PRKDC: variants seen among roughly 807,000 people sequenced by gnomAD.
PRKDC encodes DNA-dependent protein kinase catalytic subunit.
PRKDC carries 82 observed loss-of-function variants against 486.9 expected under a neutral mutation model. The ratio of observed to expected loss-of-function variants is 0.17; its 90% CI spans 0.14 to 0.20. PRKDC has a LOEUF of 0.20. Among genes scored for constraint, PRKDC ranks in the 10% least tolerant of loss-of-function variants. PRKDC has a pLI of 1.00. For synonymous variants in PRKDC, 1,895 were observed against 1,837.0 expected (o/e 1.03, Z -0.81); for missense variants, 4,504 against 5,038.2 (o/e 0.89, Z 3.21).
chr8:47,956,355 CTG>C (rs1360836105), intron 3 of PRKDC, among the ~76,000 whole-genome samples: 1 of 151,814 alleles, frequency 6.6e-6, no homozygotes, highest in Non-Finnish European at 1.5e-5. Flanking sequence ...TCACGGGACT[CTG>C]TGGTTCACGC....
chr8:47,862,368 C>G lies in PRKDC; in HGVS notation c.5919+5G>C, dbSNP rs1240315959. ...ACAATAGTGCACACCGTAGGAGTGG[C>G]CTACCTTTTCTGGTTTTTCACTAAA... is the stretch of plus-strand genomic sequence containing the variant. On this transcript the variant is annotated splice_donor_5th_base_variant and intron_variant, in intron 43 of 85. Coordinates refer to ENST00000314191, the MANE Select transcript of PRKDC (RefSeq NM_006904.7). 1 of 1,612,772 alleles carries G rather than the reference C, an allele frequency of 6.2e-7. No individual in the cohort carries two copies.
intron 40 of PRKDC, among the ~76,000 whole-genome samples, chr8:47,866,020 G>T (rs2088800837): frequency 6.6e-6 from 1 of 152,072 alleles, no homozygotes; most frequent in Non-Finnish European, 1.5e-5. Flanking sequence ...GCCAGGCATG[G>T]TGGCAAATGC....
chr8:47,798,224 T>C lies in PRKDC; in HGVS notation c.10458+13A>G. On this transcript the variant is annotated intron_variant, in intron 73 of 85. Transcript: ENST00000314191. ...TAAAGTTCCTTACCGCCAAGTAGAA[T>C]AAAGACACCAACCTCTTTTGTCATG... 6.2e-7 allele frequency: 1 copy of C among 1,604,824 alleles called. No individual in the cohort carries two copies. The highest frequency in any genetic ancestry group is 8.5e-7 in the Non-Finnish European group (1 of 1,177,584).
rs189362621 is a variant in PRKDC at position 47,883,274 on chromosome 8, A to G, written c.4777-1177T>C. Among the ~76,000 whole-genome samples, 5 of 152,344 alleles carry G rather than the reference A, an allele frequency of 3.3e-5. No individual in the cohort carries two copies. In the East Asian group the frequency reaches 9.6e-4, roughly 29 times the overall value. On this transcript the variant is annotated intron_variant, in intron 36 of 85. Coordinates refer to ENST00000314191, the MANE Select transcript of PRKDC (RefSeq NM_006904.7). ...CAATGTCCACACTGCCGCTGAGAAG[A>G]CATATGTCATTCAATTTCTAGATCC...
At chr8:47,842,930 T>G (rs2088181005) in intron 54 of PRKDC, among the ~76,000 whole-genome samples, 1 of 152,186 alleles carries the variant, frequency 6.6e-6, no homozygotes, top group Admixed American at 6.5e-5. Flanking sequence ...TTTGGGAAGC[T>G]GAGGCAGGTA....
chr8:47,857,026 C>T (rs933522133), intron 49 of PRKDC, 130 bp downstream of exon 49: 2 of 1,048,980 alleles, frequency 1.9e-6, no homozygotes, highest in South Asian at 5.3e-5. Context: ...TAGGAGCACA[C>T]CAGCAATGTA....
Position 47,934,017 on chromosome 8 carries a change from T to A in PRKDC, c.1571A>T (p.Tyr524Phe). The change falls in exon 15 of 86, where the codon TAC becomes TTC. Residue 524 changes from tyrosine (Y) to phenylalanine (F), a missense_variant. Tyr to Phe is a conservative substitution (Grantham distance 22). Around this residue, in one of 6 missense-constraint regions of PRKDC, gnomAD observed 1,969 missense variants for 2,068.9 expected, o/e 0.95. Coordinates refer to ENST00000314191, the MANE Select transcript of PRKDC (RefSeq NM_006904.7). ...VRTGKWKVPT[Y>F]KDYVDLFRHL... ...TCTGAAGAGATCCACGTAGTCTTTG[T>A]ATGTGGGCACCTTCCATTTGCCAGT... 1 of 1,613,764 alleles carries A rather than the reference T, an allele frequency of 6.2e-7. No individual in the cohort carries two copies. The highest frequency in any genetic ancestry group is 8.5e-7 in the Non-Finnish European group (1 of 1,179,836).
In PRKDC at chr8:47,904,861, T is replaced by C. The variant is rs757094084; in HGVS notation, c.3042+8A>G. 5.8e-6 allele frequency: 9 copies of C among 1,543,814 alleles called. No homozygotes were observed. The East Asian group carries it at 6.8e-5, about 12-fold the overall frequency. On this transcript the variant is annotated splice_region_variant and intron_variant, in intron 26 of 85. Transcript: ENST00000314191. The stretch of plus-strand genomic sequence containing the variant: ...GGAGTAAGAGGAAAAGAATCAACTA[T>C]TACTTACCAATATAGCTTCTAGTAA...
intron 59 of PRKDC, among the ~76,000 whole-genome samples, chr8:47,832,134 C>T (rs549847296): frequency 1.3e-4 from 20 of 152,342 alleles, no homozygotes; most frequent in African/African-American, 4.6e-4. Flanking sequence ...CCAGGCCCCT[C>T]CAGAGGGAGG....
At chr8:47,956,786 C>T (rs1392192617) in intron 3 of PRKDC, among the ~76,000 whole-genome samples, 4 of 148,372 alleles carry the variant, frequency 2.7e-5, no homozygotes, top group African/African-American at 9.9e-5. Flanking sequence ...TTGCTCTTGT[C>T]GCCCAGGCTG....
intron 36 of PRKDC, among the ~76,000 whole-genome samples, chr8:47,884,867 G>A (rs1309052515): frequency 2.0e-5 from 3 of 151,766 alleles, no homozygotes; most frequent in African/African-American, 7.3e-5. Context: ...CAGGGAGAAA[G>A]GGGGACACAG....
At chr8:47,854,947 T>C (rs541890892) in intron 50 of PRKDC, among the ~76,000 whole-genome samples, 1 of 152,162 alleles carries the variant, frequency 6.6e-6, no homozygotes, top group South Asian at 2.1e-4. Flanking sequence ...CCTACCTACC[T>C]CCCACCACCC....
intron 26 of PRKDC, among the ~76,000 whole-genome samples, chr8:47,903,383 C>T (rs753112276): frequency 6.6e-6 from 1 of 152,234 alleles, no homozygotes; most frequent in Non-Finnish European, 1.5e-5. Context: ...TGTCTCAGAT[C>T]TACAAAGGAA....
chr8:47,872,101 A>G (rs888587122), intron 40 of PRKDC, among the ~76,000 whole-genome samples: 1 of 152,230 alleles, frequency 6.6e-6, no homozygotes, highest in African/African-American at 2.4e-5. Flanking sequence ...GTAATAAGGT[A>G]TAACTTGAAA....
At chr8:47,783,388 G>A (rs2086731931) in intron 78 of PRKDC, among the ~76,000 whole-genome samples, 1 of 151,256 alleles carries the variant, frequency 6.6e-6, no homozygotes, top group African/African-American at 2.4e-5. Context: ...AGGAGTTCAA[G>A]ACCAGCCTAG....
At chr8:47,919,605 C>A (rs2090041487) in intron 21 of PRKDC, among the ~76,000 whole-genome samples, 1 of 152,190 alleles carries the variant, frequency 6.6e-6, no homozygotes, top group Non-Finnish European at 1.5e-5. Flanking sequence ...CAGAATGAAT[C>A]CCTGGCAGTG....
At chr8:47,847,204 A>T (rs931326249) in intron 54 of PRKDC, among the ~76,000 whole-genome samples, 10 of 152,352 alleles carry the variant, frequency 6.6e-5, no homozygotes, top group Admixed American at 3.3e-4. Context: ...AAGCAAAAAG[A>T]ACAAAGCCAG....
At chr8:47,822,645 C>T (rs1330512625) in intron 64 of PRKDC, among the ~76,000 whole-genome samples, 1 of 151,970 alleles carries the variant, frequency 6.6e-6, no homozygotes, top group African/African-American at 2.4e-5. Context: ...AAAAAATTAG[C>T]CGGGCGTGGT....
rs141968085 is a variant in PRKDC, at chr8:47,845,536, A to G, written c.7280+3618T>C. Among the ~76,000 whole-genome samples the G allele has an allele frequency of 2.9e-3, 440 of 152,272 alleles. 3 individuals are homozygous for G. Among genetic ancestry groups the G allele is most frequent in the African/African-American group, 0.01 (431 of 41,548 alleles). ...ACACTCTACGTAAGCAAATTAGGAA[A>G]CCTAGAGGAAATAGATACATTCCTG... On this transcript the variant is annotated intron_variant, in intron 54 of 85. Coordinates refer to ENST00000314191, the MANE Select transcript of PRKDC (RefSeq NM_006904.7).
Sources: allele counts gnomAD v4.1 joint callset (sites outside exome capture counted in the v4.1 genomes callset), GRCh38; gene constraint gnomAD v4.1.1; regional missense constraint gnomAD v4.1.1; transcripts MANE v1.5; gene names NCBI Gene and HGNC (gene_info 2026-07-23, HGNC 2026-07-21).